The following BTD variants were observed in gnomAD, a reference collection of about 807,000 sequenced individuals.
BTD encodes the protein biotinidase.
BTD carries 13 observed loss-of-function variants against 17.7 expected under a neutral mutation model. That is an observed-to-expected ratio of 0.74 (90% CI 0.48 to 1.17). BTD has a LOEUF of 1.17. BTD is among the 50% of genes most tolerant of loss of function. BTD has a pLI of 0.00. For synonymous variants in BTD, 240 were observed against 245.2 expected, an observed-to-expected ratio of 0.98 and a Z score of 0.20; for missense variants, 674 against 650.4, an observed-to-expected ratio of 1.04 and a Z score of -0.39.
intron 1 of BTD, among the ~76,000 whole-genome samples, chr3:15,610,175 A>G (rs368295798): frequency 6.6e-6 from 1 of 152,206 alleles, no homozygotes; most frequent in Non-Finnish European, 1.5e-5. Context: ...TGTATCTGTT[A>G]GTCAGTTGCC....
At chr3:15,617,078 C>T (rs2064815751) in intron 1 of BTD, among the ~76,000 whole-genome samples, 1 of 152,186 alleles carries the variant, frequency 6.6e-6, no homozygotes, top group Admixed American at 6.5e-5. Context: ...CGTGATCTGC[C>T]TGCCTTGGCC....
intron 4 of BTD, chr3:15,721,221 A>G: frequency 9.8e-7 from 1 of 1,024,434 alleles, no homozygotes; most frequent in Non-Finnish European, 1.5e-6. Flanking sequence ...CAATCAAATT[A>G]CTAAAGTGAG....
chr3:15,663,163 A>G (rs548721969), intron 3 of BTD, among the ~76,000 whole-genome samples: 12 of 152,170 alleles, frequency 7.9e-5, no homozygotes, highest in African/African-American at 2.4e-4. Flanking sequence ...ATGCCCGGCT[A>G]ATTTTTATTA....
At chr3:15,644,032 G>T (rs1197225437) in intron 3 of BTD, among the ~76,000 whole-genome samples, 1 of 148,308 alleles carries the variant, frequency 6.7e-6, no homozygotes, top group African/African-American at 2.5e-5. Flanking sequence ...ACGGAGTCTT[G>T]CTCTGTCGCC....
chr3:15,695,920 G>C (rs1371979291), intron 3 of BTD, among the ~76,000 whole-genome samples: 3 of 152,014 alleles, frequency 2.0e-5, no homozygotes, highest in African/African-American at 7.2e-5. Flanking sequence ...GTAATCAGTA[G>C]CCCTCTTCAG....
chr3:15,720,155 T>C lies in BTD; in HGVS notation c.1016-1615T>C, dbSNP rs150994287. Among the ~76,000 whole-genome samples the C allele has an allele frequency of 4.2e-3, 632 of 152,288 alleles. 8 individuals are homozygous for C. Among genetic ancestry groups the C allele is most frequent in the East Asian group, 0.022 (114 of 5,186 alleles). On this transcript the variant is annotated intron_variant, in intron 4 of 4. Coordinates refer to the BTD transcript ENST00000672427. ...GTGGGATTACAGGTAGGAGCCACTA[T>C]GCCAGCCCAGAATTTTCACATAATT...
rs2065816848 is a variant in BTD, at chr3:15,652,314, ACACTCC to A, written c.*6827_*6832del. 6.6e-6 allele frequency among the ~76,000 whole-genome samples: 1 copy of A among 152,064 alleles called. No homozygotes were observed. Among genetic ancestry groups the A allele is most frequent in the Non-Finnish European group, 1.5e-5 (1 of 68,000 alleles). On this transcript the variant is annotated 3_prime_UTR_variant, in exon 4 of 4. Transcript: ENST00000643237. ...GCACTCCAGTCTGGGCAACAGAGCGACACTCCGTCTCCAAAAAAAAAAGATACTGCA... is the reference window on the plus strand; with the variant it reads ...GCACTCCAGTCTGGGCAACAGAGCGAGTCTCCAAAAAAAAAAGATACTGCA...
At chr3:15,671,773 T>C (rs977414573) in intron 3 of BTD, among the ~76,000 whole-genome samples, 2 of 151,882 alleles carry the variant, frequency 1.3e-5, no homozygotes, top group Admixed American at 6.6e-5. Flanking sequence ...TTAGTAGAGA[T>C]GGGATTTCGC....
chr3:15,698,549 A>T (rs1413367517), intron 3 of BTD, among the ~76,000 whole-genome samples: 1 of 152,238 alleles, frequency 6.6e-6, no homozygotes, highest in Non-Finnish European at 1.5e-5. Flanking sequence ...AAGTCTCAGG[A>T]TACAAAATCA....
intron 1 of BTD, among the ~76,000 whole-genome samples, chr3:15,627,154 C>T (rs1054028593): frequency 6.6e-6 from 1 of 152,242 alleles, no homozygotes; most frequent in African/African-American, 2.4e-5. Flanking sequence ...CACCCCTGAG[C>T]AGCCACGGCA....
chr3:15,719,723 A>AT (rs575358346), intron 4 of BTD, among the ~76,000 whole-genome samples: 24 of 149,196 alleles, frequency 1.6e-4, no homozygotes, highest in East Asian at 7.9e-4. Context: ...ATAATTTTTA[A>AT]TTTTTTTTTT....
At chr3:15,621,181 C>T (rs974770801) in intron 1 of BTD, among the ~76,000 whole-genome samples, 3 of 152,242 alleles carry the variant, frequency 2.0e-5, no homozygotes, top group African/African-American at 4.8e-5. Flanking sequence ...CACTTAGACT[C>T]ACACACTCAT....
At chr3:15,643,504 A>G (rs79288618) in intron 3 of BTD, among the ~76,000 whole-genome samples, 3,153 of 152,278 alleles carry the variant, frequency 0.021, 213 homozygotes, top group Admixed American at 0.12. Context: ...CTGCCTCAAA[A>G]AAAAAAGAAA....
At chr3:15,712,473 A>T (rs1415394919) in exon 4 of BTD, among the ~76,000 whole-genome samples, 2 of 152,204 alleles carry the variant, frequency 1.3e-5, no homozygotes, top group East Asian at 3.8e-4. Context: ...GTGAGAAGCC[A>T]TTCTGTGCAT....
intron 3 of BTD, chr3:15,707,897 C>T (rs1447204484): frequency 1.3e-6 from 2 of 1,589,254 alleles, no homozygotes; most frequent in Non-Finnish European, 1.7e-6. Context: ...AATATTGATC[C>T]TCCACTCTCA....
At chr3:15,663,133 G>A (rs1239698458) in intron 3 of BTD, among the ~76,000 whole-genome samples, 1 of 152,014 alleles carries the variant, frequency 6.6e-6, no homozygotes, top group Non-Finnish European at 1.5e-5. Flanking sequence ...AAGTAGCTGG[G>A]ATTATAGGCA....
At chr3:15,699,459 T>C (rs1005541071) in intron 3 of BTD, among the ~76,000 whole-genome samples, 1 of 152,116 alleles carries the variant, frequency 6.6e-6, no homozygotes, top group Non-Finnish European at 1.5e-5. Context: ...ACAGGCAATC[T>C]ACAGAATGGG....
chr3:15,654,324 C>G (rs560877839), downstream of BTD, among the ~76,000 whole-genome samples: 5 of 152,012 alleles, frequency 3.3e-5, no homozygotes, highest in Non-Finnish European at 5.9e-5. Context: ...TGTGGGCAGA[C>G]AGCATTGCAG....
intron 3 of BTD, among the ~76,000 whole-genome samples, chr3:15,692,618 T>G (rs2068957284): frequency 6.6e-6 from 1 of 152,212 alleles, no homozygotes; most frequent in Non-Finnish European, 1.5e-5. Flanking sequence ...CCAGTCTCCT[T>G]AAGCCTCAGA....
Sources: gnomAD v4.1 joint callset for allele counts (sites outside exome capture counted in the v4.1 genomes callset) on GRCh38, gnomAD v4.1.1 for gene constraint, MANE v1.5 for transcripts, NCBI Gene and HGNC (gene_info 2026-07-23, HGNC 2026-07-21) for gene names.